Variants in AFF1 observed in about 807,000 individuals in gnomAD.
The protein encoded by AFF1 is ALF transcription elongation factor 1.
A neutral mutation model predicts 121.7 loss-of-function variants in AFF1; 48 were observed. That is an observed-to-expected ratio of 0.39 (90% CI 0.31 to 0.50). AFF1 has a LOEUF of 0.50. AFF1 is among the 20% of genes least tolerant of loss of function. The probability of loss-of-function intolerance (pLI) is 0.76; values close to 1 mark genes in which losing one functional copy is unlikely to be tolerated. For synonymous variants in AFF1, 613 were observed against 563.0 expected, an observed-to-expected ratio of 1.09 and a Z score of -1.26; for missense variants, 1,523 against 1,511.7, an observed-to-expected ratio of 1.01 and a Z score of -0.12.
At chr4:86,991,548 G>A (rs1442204885) in intron 2 of AFF1, among the ~76,000 whole-genome samples, 1 of 152,062 alleles carries the variant, frequency 6.6e-6, no homozygotes, top group Non-Finnish European at 1.5e-5. Flanking sequence ...TTTGACCCAG[G>A]TTCTTTTAAA....
chr4:87,069,791 A>C (rs980680539), intron 4 of AFF1, among the ~76,000 whole-genome samples: 5 of 151,958 alleles, frequency 3.3e-5, no homozygotes, highest in Non-Finnish European at 7.4e-5. Flanking sequence ...ATAAGTATTA[A>C]ATAAGGTATT....
intron 2 of AFF1, among the ~76,000 whole-genome samples, chr4:87,013,401 T>A (rs936550650): frequency 6.6e-6 from 1 of 151,470 alleles, no homozygotes; most frequent in Non-Finnish European, 1.5e-5. Flanking sequence ...AGATTTAATA[T>A]ATTAAGAGAA....
rs564198941 is a variant in AFF1 at position 86,978,565 on chromosome 4, CAG to C, written c.38+29995_38+29996del. ...TTTTAAATTTTTATTCTTTTGGAGACAGGGTCTTGCTCTGTTGCCCAAGCTGG... is the reference window on the plus strand; with the variant it reads ...TTTTAAATTTTTATTCTTTTGGAGACGGTCTTGCTCTGTTGCCCAAGCTGG... On this transcript the variant is annotated intron_variant, in intron 2 of 20. Transcript: ENST00000395146. Among the ~76,000 whole-genome samples, 540 of 151,832 alleles carry C rather than the reference CAG, an allele frequency of 3.6e-3. 7 individuals are homozygous for C. The highest frequency in any genetic ancestry group is 0.013 in the African/African-American group (519 of 41,380).
At chr4:87,112,541 T>G (rs927609909) in intron 11 of AFF1, among the ~76,000 whole-genome samples, 3 of 152,252 alleles carry the variant, frequency 2.0e-5, no homozygotes, top group African/African-American at 7.2e-5. Context: ...AAACCCAAAC[T>G]ATCTACCTGA....
At chr4:87,027,943 C>T (rs1182344396) in intron 2 of AFF1, among the ~76,000 whole-genome samples, 2 of 151,708 alleles carry the variant, frequency 1.3e-5, no homozygotes, top group East Asian at 1.9e-4. Flanking sequence ...TACAGGCGTG[C>T]ACCACCAGGC....
At chr4:87,039,816 CTG>C (rs766289543) in intron 2 of AFF1, among the ~76,000 whole-genome samples, 1 of 152,166 alleles carries the variant, frequency 6.6e-6, no homozygotes. Context: ...CTCATGGTGT[CTG>C]TGGAGTGGTC....
chr4:87,068,361 T>A (rs1264112908), intron 4 of AFF1, among the ~76,000 whole-genome samples: 2 of 150,926 alleles, frequency 1.3e-5, no homozygotes. Context: ...AAGGAAATTG[T>A]TAACTAGATG....
chr4:86,957,345 CCA>C (rs1225728761), intron 2 of AFF1, among the ~76,000 whole-genome samples: 2 of 152,136 alleles, frequency 1.3e-5, no homozygotes, highest in Non-Finnish European at 2.9e-5. Context: ...AATTTCAGTT[CCA>C]GTTTCTCCTG....
intron 2 of AFF1, among the ~76,000 whole-genome samples, chr4:86,979,159 G>A (rs1457909159): frequency 6.6e-6 from 1 of 152,070 alleles, no homozygotes; most frequent in South Asian, 2.1e-4. Flanking sequence ...GTGCAGTGGC[G>A]TGATCTCGAC....
Position 86,948,561 on chromosome 4 carries a change from A to C in AFF1, c.28A>C (p.Ser10Arg). 6.5e-7 allele frequency: 1 copy of C among 1,536,936 alleles called. No individual in the cohort carries two copies. Reference protein sequence around the residue: MAFTERVNSSGNSLYNDDRN... With the variant: MAFTERVNSRGNSLYNDDRN... ...GGCATTTACAGAAAGAGTCAACAGC[A>C]GTGGCAACAGGTAAGCATAGAATCT... The change falls in exon 2 of 21, where the codon AGT (serine) becomes CGT (arginine). Residue 10 changes from serine (S) to arginine (R), a missense_variant. Physicochemically the swap from Ser to Arg is moderately radical, Grantham distance 110. This residue lies in a region of AFF1 where 369 missense variants were observed against 367.2 expected (regional missense o/e 1.00). Coordinates refer to ENST00000395146, the MANE Select transcript of AFF1 (RefSeq NM_001166693.3).
chr4:87,135,552 T>C (rs1560668148), intron 20 of AFF1, 28 bp from the exon 21 acceptor site: 4 of 1,484,450 alleles, frequency 2.7e-6, no homozygotes, highest in Non-Finnish European at 3.6e-6. Context: ...TATTTACTTG[T>C]TTTTGTTTTG....
intron 1 of AFF1, among the ~76,000 whole-genome samples, chr4:86,945,045 T>TA (rs1182696249): frequency 3.3e-5 from 5 of 152,310 alleles, no homozygotes; most frequent in Non-Finnish European, 4.4e-5. Context: ...CAAAATGAAA[T>TA]AAAGTTTGCA....
intron 6 of AFF1, among the ~76,000 whole-genome samples, chr4:87,091,173 G>T (rs1724266786): frequency 6.6e-6 from 1 of 152,144 alleles, no homozygotes; most frequent in African/African-American, 2.4e-5. Context: ...GGGAGGCTGA[G>T]GCGGGTGGAT....
chr4:87,049,416 C>T (rs2149622129), intron 4 of AFF1, among the ~76,000 whole-genome samples: 1 of 152,212 alleles, frequency 6.6e-6, no homozygotes, highest in East Asian at 1.9e-4. Context: ...TGTTAACTTA[C>T]TGTTTTCTTG....
chr4:87,134,191 C>A (rs1443860302), intron 19 of AFF1, among the ~76,000 whole-genome samples: 1 of 152,166 alleles, frequency 6.6e-6, no homozygotes, highest in South Asian at 2.1e-4. Context: ...CACATACCTA[C>A]ATATGCATAC....
chr4:87,056,444 C>T (rs1578158878), intron 4 of AFF1, among the ~76,000 whole-genome samples: 1 of 151,974 alleles, frequency 6.6e-6, no homozygotes, highest in East Asian at 1.9e-4. Context: ...TTTAAAATAC[C>T]CCGAAGCAAG....
chr4:87,001,879 G>T (rs1725752742), intron 2 of AFF1, among the ~76,000 whole-genome samples: 1 of 152,146 alleles, frequency 6.6e-6, no homozygotes, highest in Non-Finnish European at 1.5e-5. Context: ...GCAACCTTGA[G>T]CACCCTTCTC....
intron 2 of AFF1, among the ~76,000 whole-genome samples, chr4:87,038,563 A>T (rs1009445598): frequency 2.6e-5 from 4 of 152,330 alleles, no homozygotes; most frequent in African/African-American, 9.6e-5. Flanking sequence ...AAAATGAAAA[A>T]GTCACTTACA....
chr4:87,084,133 A>G lies in AFF1; in HGVS notation c.1073A>G (p.Asn358Ser), dbSNP rs777212686. ...PSQSVEQTYS[N>S]EVHCVEEILK... ...TTTCACTTTCAGCAGACCTACTCCA[A>G]TGAAGTCCATTGTGTTGAAGAGATT... Residue 358 changes from asparagine to serine, a missense_variant, in exon 5 of 21, where the codon AAT (asparagine) becomes AGT (serine). Around this residue, in one of 5 missense-constraint regions of AFF1, gnomAD observed 905 missense variants for 842.5 expected, o/e 1.07. Coordinates refer to ENST00000395146, the MANE Select transcript of AFF1 (RefSeq NM_001166693.3). The G allele has an allele frequency of 1.5e-5, 25 of 1,613,904 alleles. No homozygotes were observed. In the South Asian group the frequency reaches 2.0e-4, roughly 13 times the overall value.
Sources: gnomAD v4.1 joint callset for allele counts (sites outside exome capture counted in the v4.1 genomes callset) on GRCh38, gnomAD v4.1.1 for gene constraint, gnomAD v4.1.1 regional missense constraint, MANE v1.5 for transcripts, NCBI Gene and HGNC (gene_info 2026-07-23, HGNC 2026-07-21) for gene names.